ZSCAN18: variants seen among roughly 807,000 people sequenced by gnomAD.
The protein encoded by ZSCAN18 is zinc finger and SCAN domain-containing protein 18.
In ZSCAN18, 16 loss-of-function variants were observed where a neutral mutation model predicts 31.1. The observed-to-expected ratio is 0.51, with a 90% CI of 0.35 to 0.78. The LOEUF is 0.78. Among genes scored for constraint, ZSCAN18 ranks in the 30% least tolerant of loss-of-function variants. The probability of loss-of-function intolerance (pLI) is 0.01; values close to 1 mark genes in which losing one functional copy is unlikely to be tolerated. For missense variants in ZSCAN18, 731 were observed against 697.4 expected (o/e 1.05, Z -0.54); for synonymous variants, 375 against 320.7 (o/e 1.17, Z -1.81).
intron 1 of ZSCAN18, among the ~76,000 whole-genome samples, chr19:58,093,067 G>A (rs2074446509): frequency 1.3e-5 from 2 of 152,016 alleles, no homozygotes. Flanking sequence ...GTGAGCCACT[G>A]CACCCACCCC....
chr19:58,102,936 A>G (rs934681736), upstream of ZSCAN18, among the ~76,000 whole-genome samples: 3 of 152,148 alleles, frequency 2.0e-5, no homozygotes, highest in East Asian at 5.8e-4. Context: ...GTTCAAGACC[A>G]GCCTGGCAAA....
chr19:58,116,900 T>C (rs1354732201), intron 1 of ZSCAN18, among the ~76,000 whole-genome samples: 2 of 152,210 alleles, frequency 1.3e-5, no homozygotes, highest in Admixed American at 1.3e-4. Context: ...TTTTTACTTC[T>C]ATTTTTTTGA....
At chr19:58,094,304 A>G (rs2074477465) in intron 1 of ZSCAN18, among the ~76,000 whole-genome samples, 1 of 151,348 alleles carries the variant, frequency 6.6e-6, no homozygotes, top group Admixed American at 6.6e-5. Flanking sequence ...CCAGCTACTC[A>G]GGAGGCCGAG....
rs113785689 is a variant in ZSCAN18 at position 58,094,638 on chromosome 19, G to A, written c.-120+3536C>T. On this transcript the variant is annotated intron_variant, in intron 1 of 6. Coordinates refer to ENST00000601144, the MANE Select transcript of ZSCAN18 (RefSeq NM_001145543.2). ...CACACCTGTAATCCCAGCACTTTGG[G>A]AGGCCACGGTAGGTGGACAGCTTGA... Among the ~76,000 whole-genome samples the A allele has an allele frequency of 1.9e-3, 282 of 151,972 alleles. 1 individual carries two copies. The highest frequency in any genetic ancestry group is 5.4e-3 in the African/African-American group (224 of 41,486).
intron 1 of ZSCAN18, among the ~76,000 whole-genome samples, chr19:58,092,088 C>G (rs2074424086): frequency 6.6e-6 from 1 of 152,044 alleles, no homozygotes; most frequent in Non-Finnish European, 1.5e-5. Flanking sequence ...AAATGTAGAT[C>G]AGCTGTTGCC....
At chr19:58,089,301 TCAAAAAAAAAAAAA>T (rs1179462773) in intron 2 of ZSCAN18, among the ~76,000 whole-genome samples, 31 of 7,864 alleles carry the variant, frequency 3.9e-3, no homozygotes, top group African/African-American at 0.018. Flanking sequence ...AGACTCCGTC[TCAAAAAAAAAAAAA>T]AAAAAAAAAA....
chr19:58,102,194 C>T (rs1600001941), upstream of ZSCAN18, among the ~76,000 whole-genome samples: 1 of 152,220 alleles, frequency 6.6e-6, no homozygotes, highest in Non-Finnish European at 1.5e-5. Flanking sequence ...CGCAGTGGTT[C>T]ACGCCTGTAA....
At chr19:58,089,649 G>A (rs186765006) in intron 2 of ZSCAN18, among the ~76,000 whole-genome samples, 13 of 151,978 alleles carry the variant, frequency 8.6e-5, no homozygotes, top group East Asian at 3.9e-4. Flanking sequence ...AAATAAATAA[G>A]TAAATAAAAG....
In ZSCAN18 at chr19:58,090,535, C is replaced by CCTG; in HGVS notation, c.-119-150_-119-149insCAG. The CCTG allele has an allele frequency of 1.6e-6, 1 of 639,600 alleles. No individual in the cohort carries two copies. The highest frequency in any genetic ancestry group is 2.6e-6 in the Non-Finnish European group (1 of 391,326). The allele number at this position is 639,600 out of a possible 1,614,324, so 39.6% of individuals were successfully genotyped here. A position where few individuals can be genotyped will look rare whatever the true frequency, so the allele number is the denominator to read the frequency against. ...GCATCAGTAGAACCTCAGTGTTGTA[C>CCTG]TCATGTAGATAAAAAGTAGCATGTA... On this transcript the variant is annotated intron_variant, in intron 1 of 6. Transcript: ENST00000601144. This position sits in a 1 kb window ranked among gnomAD's most constrained non-coding sequence, Gnocchi z 4.7.
At chr19:58,099,400 T>G (rs551784312), upstream of ZSCAN18, among the ~76,000 whole-genome samples, 27 of 152,326 alleles carry the variant, frequency 1.8e-4, no homozygotes, top group Admixed American at 8.5e-4. Flanking sequence ...ATAATTCCTT[T>G]GAGAGGCATT....
rs2074266983 is a variant in ZSCAN18 at position 58,085,773 on chromosome 19, TG to T, written c.839-395del. ...GGGGCCCGGCTGCCAGCGAAGAGAGTGGGGTCAATAGCTAAGGCCAAACCCC... is the reference window on the plus strand; with the variant it reads ...GGGGCCCGGCTGCCAGCGAAGAGAGTGGGTCAATAGCTAAGGCCAAACCCC... On this transcript the variant is annotated intron_variant, in intron 6 of 6. Coordinates refer to ENST00000601144, the MANE Select transcript of ZSCAN18 (RefSeq NM_001145543.2). 2.9e-5 allele frequency: 9 copies of T among 309,696 alleles called. No homozygotes were observed. The East Asian group carries it at 5.5e-4, about 19-fold the overall frequency. 19.2% of individuals were successfully genotyped at this position (309,696 alleles called of 1,614,324 possible).
chr19:58,095,452 C>T (rs2074502399), intron 1 of ZSCAN18, among the ~76,000 whole-genome samples: 1 of 152,178 alleles, frequency 6.6e-6, no homozygotes, highest in Non-Finnish European at 1.5e-5. Flanking sequence ...GACGCTGCCA[C>T]TCATCCTTCC....
In ZSCAN18 at chr19:58,085,444, C is replaced by G. The variant is rs578100416; in HGVS notation, c.839-65G>C. On this transcript the variant is annotated intron_variant, in intron 6 of 6. Coordinates refer to ENST00000601144, the MANE Select transcript of ZSCAN18 (RefSeq NM_001145543.2). The stretch of plus-strand genomic sequence containing the variant: ...AGGGCCAGGGAGAGGAGGACCCAGC[C>G]GAGCCTCAGCTGCCGGAACAGCGCA... 3 of 1,392,980 alleles carry G rather than the reference C, an allele frequency of 2.2e-6. No homozygotes were observed. The Admixed American group carries it at 7.6e-5, about 35-fold the overall frequency. 86.3% of individuals were successfully genotyped at this position (1,392,980 alleles called of 1,614,324 possible). A position where few individuals can be genotyped will look rare whatever the true frequency, so the allele number is the denominator to read the frequency against.
intron 1 of ZSCAN18, among the ~76,000 whole-genome samples, chr19:58,091,427 GAAC>G (rs149733739): frequency 0.037 from 5,618 of 151,460 alleles, 138 homozygotes; most frequent in Non-Finnish European, 0.061. Flanking sequence ...GGAGGCCACT[GAAC>G]AACCACCCAC....
At chr19:58,086,064 G>T (rs150940701) in intron 6 of ZSCAN18, 110 bp downstream of exon 6, 2 of 832,484 alleles carry the variant, frequency 2.4e-6, no homozygotes, top group Non-Finnish European at 3.9e-6. Context: ...TGGTGAAGCA[G>T]TCAATGCTGA....
At chr19:58,110,127 G>C (rs765029812) in intron 1 of ZSCAN18, among the ~76,000 whole-genome samples, 1 of 152,038 alleles carries the variant, frequency 6.6e-6, no homozygotes, top group African/African-American at 2.4e-5. Context: ...TGCTCCTCCG[G>C]CTTCAGCCTT....
chr19:58,112,782 T>A (rs1600015614), intron 1 of ZSCAN18, among the ~76,000 whole-genome samples: 1 of 150,852 alleles, frequency 6.6e-6, no homozygotes, highest in Non-Finnish European at 1.5e-5. Flanking sequence ...AAACCCCTTC[T>A]CTACTAAAAA....
At chr19:58,096,065 G>C (rs946088684) in intron 1 of ZSCAN18, among the ~76,000 whole-genome samples, 12 of 152,124 alleles carry the variant, frequency 7.9e-5, no homozygotes, top group Non-Finnish European at 1.3e-4. Context: ...CTGTCAAGAG[G>C]ACTCTCAGAG....
intron 1 of ZSCAN18, among the ~76,000 whole-genome samples, chr19:58,105,658 C>T (rs2074628995): frequency 6.7e-6 from 1 of 148,680 alleles, no homozygotes; most frequent in Non-Finnish European, 1.5e-5. Context: ...GAGACTCCGT[C>T]TCAAAAAAAT....
Sources: gnomAD v4.1 joint callset for allele counts (sites outside exome capture counted in the v4.1 genomes callset) on GRCh38, gnomAD v4.1.1 for gene constraint, Gnocchi (gnomAD v3.1) non-coding constraint, MANE v1.5 for transcripts, NCBI Gene and HGNC (gene_info 2026-07-23, HGNC 2026-07-21) for gene names.